Variants in YPEL2 observed in about 807,000 individuals in gnomAD.
YPEL2 encodes the protein yippee like 2.
In YPEL2, 2 loss-of-function variants were observed where a neutral mutation model predicts 19.1. That is an observed-to-expected ratio of 0.10 (90% CI 0.04 to 0.33). The LOEUF (loss-of-function observed/expected upper bound fraction) is 0.33, where lower values mean the gene tolerates loss of function less well. Among genes scored for constraint, YPEL2 ranks in the 10% least tolerant of loss-of-function variants. The pLI, the probability that YPEL2 is intolerant of heterozygous loss-of-function variation, is 1.00. For missense variants in YPEL2, 66 were observed against 140.7 expected, an observed-to-expected ratio of 0.47 and a Z score of 2.68; for synonymous variants, 52 against 50.0, an observed-to-expected ratio of 1.04 and a Z score of -0.17.
chr17:59,336,718 A>G (rs907113885), intron 1 of YPEL2, among the ~76,000 whole-genome samples: 1 of 152,164 alleles, frequency 6.6e-6, no homozygotes, highest in Non-Finnish European at 1.5e-5. Context: ...TCTCTGGCTC[A>G]GAGGAATCCA....
At chr17:59,339,659 C>G (rs73323179) in intron 1 of YPEL2, among the ~76,000 whole-genome samples, 2,348 of 152,248 alleles carry the variant, frequency 0.015, 65 homozygotes, top group African/African-American at 0.051. Context: ...TCAGACTCTT[C>G]TCTGGCTGGT....
chr17:59,389,601 C>T, intron 4 of YPEL2, 133 bp downstream of exon 4: 1 of 666,772 alleles, frequency 1.5e-6, no homozygotes, highest in Non-Finnish European at 2.6e-6. Context: ...ACCTGTCTAC[C>T]ACACTCATTC....
chr17:59,353,143 T>C lies in YPEL2; in HGVS notation c.-195-72T>C, dbSNP rs1051066988. 3.3e-6 allele frequency: 1 copy of C among 303,550 alleles called. No homozygotes were observed. Among genetic ancestry groups the C allele is most frequent in the Non-Finnish European group, 6.1e-6 (1 of 163,352 alleles). 18.8% of individuals were successfully genotyped at this position (303,550 alleles called of 1,614,324 possible). A position where few individuals can be genotyped will look rare whatever the true frequency, so the allele number is the denominator to read the frequency against. The stretch of plus-strand genomic sequence containing the variant: ...GTGTTGCCTTCTTCATGGGTGGCAG[T>C]TGGATTCTGCTTGCTTTGTAGGGAG... On this transcript the variant is annotated intron_variant, in intron 1 of 4. Transcript: ENST00000312655. This position sits in a 1 kb window ranked among gnomAD's most constrained non-coding sequence, Gnocchi z 4.8.
intron 2 of YPEL2, among the ~76,000 whole-genome samples, chr17:59,385,346 G>A (rs796496519): frequency 3.9e-5 from 6 of 152,166 alleles, no homozygotes; most frequent in African/African-American, 7.2e-5. Context: ...AAGGCAGGCC[G>A]ATTGGGTGGA....
intron 1 of YPEL2, among the ~76,000 whole-genome samples, chr17:59,336,066 G>C (rs1042699008): frequency 6.6e-6 from 1 of 152,186 alleles, no homozygotes. Flanking sequence ...CTTGCTTGCT[G>C]CTGAAAATGC....
intron 1 of YPEL2, among the ~76,000 whole-genome samples, chr17:59,340,225 C>A (rs1352040589): frequency 2.0e-5 from 3 of 151,940 alleles, no homozygotes; most frequent in Non-Finnish European, 2.9e-5. Context: ...CGTCCTGCCC[C>A]AGCCTCCAGA....
In YPEL2 at chr17:59,398,983, G is replaced by C. The variant is rs149618065; in HGVS notation, c.*1793G>C. 2 of 152,184 alleles carry C rather than the reference G, an allele frequency of 1.3e-5. No individual in the cohort carries two copies. The highest frequency in any genetic ancestry group is 4.8e-5 in the African/African-American group (2 of 41,436). 9.4% of individuals were successfully genotyped at this position (152,184 alleles called of 1,614,324 possible). ...GATGGTGGAATGGGAGCCCCAAGAC[G>C]TGTGGGCTTAGAAATCAACTTTTGT... is the stretch of plus-strand genomic sequence containing the variant. On this transcript the variant is annotated 3_prime_UTR_variant, in exon 5 of 5. Transcript: ENST00000312655.
rs2047797438 is a variant in YPEL2, at chr17:59,353,502, C to T, written c.93C>T (p.Ala31=). The T allele has an allele frequency of 1.2e-6, 2 of 1,614,090 alleles. No homozygotes were observed. Among genetic ancestry groups the T allele is most frequent in the Non-Finnish European group, 1.7e-6 (2 of 1,179,938 alleles). Residue 31 remains alanine (A), a synonymous_variant, in exon 2 of 5, where the codon GCC becomes GCT. Transcript: ENST00000312655. This position sits in a 1 kb window ranked among gnomAD's most constrained non-coding sequence, Gnocchi z 4.8. ...GCATTCACTGCAGAGCTCACTTGGC[C>T]AATCATGATGAACTAATTTCCAAGG... is the stretch of plus-strand genomic sequence containing the variant. ...YSCIHCRAHL[A]NHDELISKSF...
At chr17:59,394,127 C>T (rs1284707423) in intron 4 of YPEL2, among the ~76,000 whole-genome samples, 1 of 150,748 alleles carries the variant, frequency 6.6e-6, no homozygotes. Flanking sequence ...GACGCGGCAG[C>T]TGGCCAGGCG....
At chr17:59,371,202 C>T (rs916722513) in intron 2 of YPEL2, among the ~76,000 whole-genome samples, 7 of 152,210 alleles carry the variant, frequency 4.6e-5, no homozygotes, top group African/African-American at 1.7e-4. Flanking sequence ...TTCGGCTTAG[C>T]TTTCCCACCG....
intron 1 of YPEL2, among the ~76,000 whole-genome samples, chr17:59,335,747 C>T (rs2047695671): frequency 2.6e-5 from 4 of 152,072 alleles, no homozygotes; most frequent in Non-Finnish European, 2.9e-5. Flanking sequence ...CGGGGTTTCA[C>T]CATATTGTCC....
intron 2 of YPEL2, among the ~76,000 whole-genome samples, chr17:59,370,306 G>T (rs1467020786): frequency 6.6e-6 from 1 of 152,082 alleles, no homozygotes; most frequent in Non-Finnish European, 1.5e-5. Flanking sequence ...CTCGTGATCC[G>T]CCCGCCTCGG....
At chr17:59,359,823 G>A (rs537025321) in intron 2 of YPEL2, among the ~76,000 whole-genome samples, 2 of 152,362 alleles carry the variant, frequency 1.3e-5, no homozygotes, top group African/African-American at 4.8e-5. Context: ...AGAAACAGAA[G>A]GGTGGGAACA....
At chr17:59,384,877 G>A (rs2047972600) in intron 2 of YPEL2, among the ~76,000 whole-genome samples, 1 of 152,118 alleles carries the variant, frequency 6.6e-6, no homozygotes, top group Non-Finnish European at 1.5e-5. Context: ...TGTCATTAAT[G>A]GTGAAGCTCT....
intron 4 of YPEL2, 99 bp from the exon 5 acceptor site, chr17:59,397,002 G>C: frequency 2.4e-6 from 2 of 827,362 alleles, no homozygotes; most frequent in Non-Finnish European, 3.6e-6. Flanking sequence ...TTGCACTCCA[G>C]CCTGGGTGAC....
intron 1 of YPEL2, among the ~76,000 whole-genome samples, chr17:59,349,128 G>T (rs1266209703): frequency 1.4e-5 from 2 of 142,100 alleles, no homozygotes; most frequent in Non-Finnish European, 1.5e-5. Flanking sequence ...GAGCCGAGAT[G>T]GCGCCACTGC....
chr17:59,355,501 C>CAAGCCACATCGCCTGAATA lies in YPEL2; in HGVS notation c.117+1976_117+1994dup, dbSNP rs557799719. On this transcript the variant is annotated intron_variant, in intron 2 of 4. Transcript: ENST00000312655. ...TCACTTTGTTTCAGCCACTTGGAAC[C>CAAGCCACATCGCCTGAATA]AAGCCACATCGCCTGAATATGCAGG... 3 of 152,324 alleles carry CAAGCCACATCGCCTGAATA rather than the reference C, an allele frequency of 2.0e-5. No homozygotes were observed. In the South Asian group the frequency reaches 6.2e-4, roughly 32 times the overall value. 9.4% of individuals were successfully genotyped at this position (152,324 alleles called of 1,614,324 possible). A position where few individuals can be genotyped will look rare whatever the true frequency, so the allele number is the denominator to read the frequency against.
chr17:59,397,375 T>C lies in YPEL2; in HGVS notation c.*185T>C. On this transcript the variant is annotated 3_prime_UTR_variant, in exon 5 of 5. Transcript: ENST00000312655. ...TCTAAATCGCTGTCTCTCTGTCTCTTTGCTTTGTATCTGTTTGTGAGTTGA... is the reference window on the plus strand; with the variant it reads ...TCTAAATCGCTGTCTCTCTGTCTCTCTGCTTTGTATCTGTTTGTGAGTTGA... 1 of 447,648 alleles carries C rather than the reference T, an allele frequency of 2.2e-6. No individual in the cohort carries two copies. The highest frequency in any genetic ancestry group is 4.0e-6 in the Non-Finnish European group (1 of 248,292). The allele number at this position is 447,648 out of a possible 1,614,324, so 27.7% of individuals were successfully genotyped here.
chr17:59,377,426 T>C (rs2047927781), intron 2 of YPEL2, among the ~76,000 whole-genome samples: 1 of 152,162 alleles, frequency 6.6e-6, no homozygotes, highest in Non-Finnish European at 1.5e-5. Context: ...CGTCAGTGTC[T>C]AACTCAGAAG....
Sources: gnomAD v4.1 joint callset for allele counts (sites outside exome capture counted in the v4.1 genomes callset) on GRCh38, gnomAD v4.1.1 for gene constraint, Gnocchi (gnomAD v3.1) non-coding constraint, MANE v1.5 for transcripts, NCBI Gene and HGNC (gene_info 2026-07-23, HGNC 2026-07-21) for gene names.